The following TMCC1 variants were observed in gnomAD, a reference collection of about 807,000 sequenced individuals.
TMCC1 encodes the protein transmembrane and coiled-coil domains protein 1.
A neutral mutation model predicts 52.4 loss-of-function variants in TMCC1; 15 were observed. The observed-to-expected ratio is 0.29, with a 90% CI of 0.19 to 0.44. The LOEUF (loss-of-function observed/expected upper bound fraction) is 0.44. Among genes scored for constraint, TMCC1 ranks in the 20% least tolerant of loss-of-function variants. TMCC1 has a pLI of 1.00. For synonymous variants in TMCC1, 279 were observed against 301.9 expected (o/e 0.92, Z 0.79); for missense variants, 503 against 806.0 (o/e 0.62, Z 4.55).
At chr3:129,702,975 C>T (rs1295633351) in intron 4 of TMCC1, among the ~76,000 whole-genome samples, 7 of 152,162 alleles carry the variant, frequency 4.6e-5, no homozygotes, top group Non-Finnish European at 1.0e-4. Context: ...GAGATTGCAT[C>T]GCTGCACTCC....
intron 4 of TMCC1, among the ~76,000 whole-genome samples, chr3:129,737,342 G>A (rs901938192): frequency 5.9e-5 from 9 of 152,248 alleles, no homozygotes; most frequent in Admixed American, 3.3e-4. Flanking sequence ...TTAGCTGGGC[G>A]TGGTGGCACA....
Position 129,775,481 on chromosome 3 carries a change from AG to A in TMCC1, c.576+52321del, listed in dbSNP as rs371214749. On this transcript the variant is annotated intron_variant, in intron 4 of 6. Transcript: ENST00000393238. The stretch of plus-strand genomic sequence containing the variant: ...GACCCTGTCTCGAAAAAAAAGAAAA[AG>A]AAATTAAACATAATAGCCAGGATTC... Among the ~76,000 whole-genome samples, 37 of 152,284 alleles carry A rather than the reference AG, an allele frequency of 2.4e-4. No homozygotes were observed. In the East Asian group the frequency reaches 3.7e-3, roughly 15 times the overall value.
At chr3:129,831,016 C>T (rs1038648579) in intron 3 of TMCC1, among the ~76,000 whole-genome samples, 3 of 152,114 alleles carry the variant, frequency 2.0e-5, no homozygotes, top group South Asian at 4.1e-4. Context: ...CTCACTGCAG[C>T]CTCTGCCTCC....
At chr3:129,723,758 C>T (rs1021329874) in intron 4 of TMCC1, among the ~76,000 whole-genome samples, 4 of 152,128 alleles carry the variant, frequency 2.6e-5, no homozygotes, top group Non-Finnish European at 5.9e-5. Context: ...TACAACCTTA[C>T]ACAAGTCAGT....
intron 2 of TMCC1, among the ~76,000 whole-genome samples, chr3:129,863,653 GGA>G: frequency 6.6e-6 from 1 of 152,132 alleles, no homozygotes; most frequent in South Asian, 2.1e-4. Flanking sequence ...CCTGAGGTCA[GGA>G]GTTCAAGACC....
At chr3:129,810,711 G>T (rs1040433675) in intron 4 of TMCC1, among the ~76,000 whole-genome samples, 3 of 152,110 alleles carry the variant, frequency 2.0e-5, no homozygotes, top group Admixed American at 2.0e-4. Flanking sequence ...CAACGAATAT[G>T]GAAGGAAGCT....
At chr3:129,875,811 G>C (rs1212833606) in intron 2 of TMCC1, among the ~76,000 whole-genome samples, 1 of 152,148 alleles carries the variant, frequency 6.6e-6, no homozygotes, top group African/African-American at 2.4e-5. Context: ...GGCTGAGTAT[G>C]CTACATAGAC....
chr3:129,754,851 G>A (rs564458332), intron 4 of TMCC1, among the ~76,000 whole-genome samples: 1 of 152,316 alleles, frequency 6.6e-6, no homozygotes, highest in Non-Finnish European at 1.5e-5. Context: ...GCTGAGGTGG[G>A]TGGATCACCT....
intron 4 of TMCC1, among the ~76,000 whole-genome samples, chr3:129,703,400 TTCTGCTGTTTGACATCA>T (rs2047987479): frequency 6.6e-6 from 1 of 152,218 alleles, no homozygotes; most frequent in South Asian, 2.1e-4. Context: ...AACTACAGTA[TTCTGCTGTTTGACATCA>T]TTAAGCTCAG....
At chr3:129,657,155 G>C (rs61473267) in intron 5 of TMCC1, among the ~76,000 whole-genome samples, 1 of 152,060 alleles carries the variant, frequency 6.6e-6, no homozygotes. Context: ...GCAGGGAGGG[G>C]AGCAGGGTGG....
chr3:129,863,627 C>T (rs777791274), intron 2 of TMCC1, among the ~76,000 whole-genome samples: 5 of 152,126 alleles, frequency 3.3e-5, no homozygotes, highest in South Asian at 2.1e-4. Flanking sequence ...TTTGGGAGGC[C>T]GAGGCAGACG....
At chr3:129,870,759 CAAAAAAAAAAAAAAA>C (rs61673201) in intron 2 of TMCC1, among the ~76,000 whole-genome samples, 3 of 10,674 alleles carry the variant, frequency 2.8e-4, no homozygotes, top group East Asian at 7.1e-3. Flanking sequence ...GACTCCATCT[CAAAAAAAAAAAAAAA>C]AAAAAAAAGA....
chr3:129,823,651 A>AAAC (rs1560493034), intron 4 of TMCC1, among the ~76,000 whole-genome samples: 5 of 151,764 alleles, frequency 3.3e-5, no homozygotes, highest in African/African-American at 7.3e-5. Flanking sequence ...AACAAACAAA[A>AAAC]AAACAGTCTG....
At chr3:129,788,752 G>C (rs2056233810) in intron 4 of TMCC1, among the ~76,000 whole-genome samples, 1 of 151,898 alleles carries the variant, frequency 6.6e-6, no homozygotes, top group Admixed American at 6.6e-5. Context: ...ACAGGCGTGA[G>C]CCACCACACC....
At chr3:129,847,513 C>A (rs1161648819) in intron 2 of TMCC1, 2 of 152,266 alleles carry the variant, frequency 1.3e-5, no homozygotes, top group South Asian at 2.1e-4. Context: ...ATCAACTGTT[C>A]TTTTTATTGC....
chr3:129,864,363 C>T lies in TMCC1; in HGVS notation c.-184+15946G>A, dbSNP rs149642902. On this transcript the variant is annotated intron_variant, in intron 2 of 6. Transcript: ENST00000393238. ...TTCTATTCACCACACCACATTTATA[C>T]CTATGCCCAATTAGAAACTAGACAG... 2.0e-5 allele frequency among the ~76,000 whole-genome samples: 3 copies of T among 152,322 alleles called. No homozygotes were observed. In the East Asian group the frequency reaches 5.8e-4, roughly 29 times the overall value.
chr3:129,800,408 T>G (rs2107771347), intron 4 of TMCC1, among the ~76,000 whole-genome samples: 1 of 152,310 alleles, frequency 6.6e-6, no homozygotes, highest in African/African-American at 2.4e-5. Context: ...ATTAAACGGT[T>G]TTCCCTGTGG....
chr3:129,886,446 C>T (rs993978571), intron 1 of TMCC1, among the ~76,000 whole-genome samples: 1 of 151,946 alleles, frequency 6.6e-6, no homozygotes, highest in Admixed American at 6.6e-5. Context: ...CAAACAAAAG[C>T]TTATACAAGA....
chr3:129,873,082 G>A (rs2061009187), intron 2 of TMCC1, among the ~76,000 whole-genome samples: 1 of 152,002 alleles, frequency 6.6e-6, no homozygotes, highest in Admixed American at 6.6e-5. Context: ...TGTATTTTTA[G>A]TAGAGATGGG....
Sources: allele counts gnomAD v4.1 joint callset (sites outside exome capture counted in the v4.1 genomes callset), GRCh38; gene constraint gnomAD v4.1.1; transcripts MANE v1.5; gene names NCBI Gene and HGNC (gene_info 2026-07-23, HGNC 2026-07-21).